Variants in DCT observed in about 807,000 individuals in gnomAD.
DCT encodes the protein dopachrome tautomerase.
A neutral mutation model predicts 53.0 loss-of-function variants in DCT; 47 were observed. The observed-to-expected ratio is 0.89, with a 90% CI of 0.70 to 1.13. The LOEUF (loss-of-function observed/expected upper bound fraction) is 1.13, where lower values mean the gene tolerates loss of function less well. Among genes scored for constraint, DCT ranks in the 50% most tolerant of loss-of-function variants. DCT has a pLI of 0.00. For synonymous variants in DCT, 244 were observed against 237.0 expected (o/e 1.03, Z -0.27); for missense variants, 669 against 637.4 (o/e 1.05, Z -0.53).
intron 1 of DCT, among the ~76,000 whole-genome samples, chr13:94,474,143 G>A (rs1365090627): frequency 2.0e-5 from 3 of 151,714 alleles, no homozygotes; most frequent in African/African-American, 7.3e-5. Flanking sequence ...ATGGAGAGAG[G>A]AAAAAAAATG....
chr13:94,441,922 C>G (rs1882349648), intron 7 of DCT, among the ~76,000 whole-genome samples: 1 of 152,158 alleles, frequency 6.6e-6, no homozygotes, highest in Admixed American at 6.5e-5. Context: ...AATCCCCATA[C>G]TGTTTTCCAT....
the DCT span, among the ~76,000 whole-genome samples, chr13:94,529,377 C>T: frequency 5.2e-4 from 79 of 152,222 alleles, no homozygotes; most frequent in African/African-American, 1.9e-3. Flanking sequence ...TAAAATTGAC[C>T]ACATAATTGT....
rs1882148657 is a variant in DCT at position 94,439,831 on chromosome 13, T to C, written c.*67A>G. The C allele has an allele frequency of 7.4e-6, 9 of 1,217,468 alleles. No individual in the cohort carries two copies. Among genetic ancestry groups the C allele is most frequent in the African/African-American group, 6.1e-5 (4 of 65,448 alleles). The allele number at this position is 1,217,468 out of a possible 1,614,324, so 75.4% of individuals were successfully genotyped here. On this transcript the variant is annotated 3_prime_UTR_variant, in exon 8 of 8. Coordinates refer to ENST00000377028, the MANE Select transcript of DCT (RefSeq NM_001922.5). ...CTCAAGAAGGAACAGTGAGGATTAGTTCCTTTATTGTCAGCGTCAGAACTG... is the reference window on the plus strand; with the variant it reads ...CTCAAGAAGGAACAGTGAGGATTAGCTCCTTTATTGTCAGCGTCAGAACTG...
the DCT span, among the ~76,000 whole-genome samples, chr13:94,499,645 C>A: frequency 6.6e-6 from 1 of 152,084 alleles, no homozygotes; most frequent in African/African-American, 2.4e-5. Flanking sequence ...CAAAGTGCAC[C>A]ATCGGTGGCC....
chr13:94,533,629 T>TA, the DCT span, among the ~76,000 whole-genome samples: 1 of 151,824 alleles, frequency 6.6e-6, no homozygotes, highest in Non-Finnish European at 1.5e-5. Flanking sequence ...TACTAAAAAT[T>TA]AAAAAATCAG....
At chr13:94,444,278 A>G in intron 6 of DCT, 1 of 334,520 alleles carries the variant, frequency 3.0e-6, no homozygotes, top group Admixed American at 3.8e-5. Flanking sequence ...AAAATCCCAA[A>G]CACTTCTGGT....
At chr13:94,491,303 T>C in the DCT span, among the ~76,000 whole-genome samples, 2 of 152,200 alleles carry the variant, frequency 1.3e-5, no homozygotes, top group African/African-American at 2.4e-5. Flanking sequence ...GGTAGTTTCT[T>C]GGCTTGTAAT....
At chr13:94,524,782 C>T in the DCT span, among the ~76,000 whole-genome samples, 1 of 151,978 alleles carries the variant, frequency 6.6e-6, no homozygotes, top group Non-Finnish European at 1.5e-5. Flanking sequence ...AGTCCCAGTA[C>T]CTAAGAATGT....
Position 94,460,087 on chromosome 13 carries a change from A to G in DCT, c.1179+4T>C, listed in dbSNP as rs752557378. 3.1e-6 allele frequency: 5 copies of G among 1,613,708 alleles called. No individual in the cohort carries two copies. The highest frequency in any genetic ancestry group is 2.2e-5 in the South Asian group (2 of 90,952). On this transcript the variant is annotated splice_donor_region_variant and intron_variant, in intron 6 of 7. Transcript: ENST00000377028. ...TTTCATGCATTCTGAATCTTTGAAC[A>G]TACCACAAAAATGGGATCATTGGCG...
intron 6 of DCT, among the ~76,000 whole-genome samples, chr13:94,454,689 T>C (rs924895918): frequency 6.6e-6 from 1 of 152,218 alleles, no homozygotes; most frequent in Non-Finnish European, 1.5e-5. Context: ...TCATGTGCAA[T>C]ATATTTGCAT....
chr13:94,479,925 T>A (rs2139385452), upstream of DCT, among the ~76,000 whole-genome samples: 1 of 152,274 alleles, frequency 6.6e-6, no homozygotes, highest in South Asian at 2.1e-4. Context: ...ACCTCAGACA[T>A]CCTGGGGAGT....
chr13:94,515,845 A>T, the DCT span, among the ~76,000 whole-genome samples: 1 of 152,162 alleles, frequency 6.6e-6, no homozygotes, highest in Non-Finnish European at 1.5e-5. Context: ...AGGCGACGTG[A>T]TCTCCAAGGA....
chr13:94,533,646 G>T, the DCT span, among the ~76,000 whole-genome samples: 1 of 152,140 alleles, frequency 6.6e-6, no homozygotes, highest in African/African-American at 2.4e-5. Flanking sequence ...TCAGCCGGGT[G>T]TGGTGGTGCA....
At position 94,439,808 on chromosome 13, in the gene DCT, C is replaced by T. The variant is rs1020268439; in HGVS notation, c.*90G>A. The T allele has an allele frequency of 1.0e-6, 1 of 966,978 alleles. No individual in the cohort carries two copies. Among genetic ancestry groups the T allele is most frequent in the African/African-American group, 1.6e-5 (1 of 60,696 alleles). 59.9% of individuals were successfully genotyped at this position (966,978 alleles called of 1,614,324 possible). A position where few individuals can be genotyped will look rare whatever the true frequency, so the allele number is the denominator to read the frequency against. On this transcript the variant is annotated 3_prime_UTR_variant, in exon 8 of 8. Transcript: ENST00000377028. ...GAACCTATGTCAAAGATCTTCAACT[C>T]AAGAAGGAACAGTGAGGATTAGTTC...
chr13:94,518,991 ATT>A, the DCT span, among the ~76,000 whole-genome samples: 1 of 152,036 alleles, frequency 6.6e-6, no homozygotes, highest in African/African-American at 2.4e-5. Context: ...ACACTCTTCT[ATT>A]TGAATGGATT....
chr13:94,497,892 G>GTGTA, the DCT span, among the ~76,000 whole-genome samples: 1 of 152,194 alleles, frequency 6.6e-6, no homozygotes, highest in African/African-American at 2.4e-5. Context: ...GTGTGTGTGT[G>GTGTA]TACACACATG....
chr13:94,470,275 T>C (rs764789457), intron 1 of DCT, among the ~76,000 whole-genome samples: 3 of 152,190 alleles, frequency 2.0e-5, no homozygotes, highest in Non-Finnish European at 2.9e-5. Context: ...GTAGCCATGA[T>C]GTCAGGAAGT....
the DCT span, among the ~76,000 whole-genome samples, chr13:94,514,127 G>A: frequency 6.6e-6 from 1 of 152,086 alleles, no homozygotes; most frequent in African/African-American, 2.4e-5. Flanking sequence ...TCCAGAGATG[G>A]AAAGCAAAAG....
At chr13:94,509,511 C>G in the DCT span, among the ~76,000 whole-genome samples, 19 of 152,148 alleles carry the variant, frequency 1.2e-4, no homozygotes, top group East Asian at 5.8e-4. Context: ...GATTTTCAGC[C>G]TGGCCCTAAA....
Sources: allele counts gnomAD v4.1 joint callset (sites outside exome capture counted in the v4.1 genomes callset), GRCh38; gene constraint gnomAD v4.1.1; transcripts MANE v1.5; gene names NCBI Gene and HGNC (gene_info 2026-07-23, HGNC 2026-07-21).